Variants in FNDC3B observed in about 807,000 individuals in gnomAD.
FNDC3B encodes fibronectin type III domain-containing protein 3B.
FNDC3B carries 12 observed loss-of-function variants against 151.5 expected under a neutral mutation model. The ratio of observed to expected loss-of-function variants is 0.08; its 90% CI spans 0.05 to 0.13. FNDC3B has a LOEUF of 0.13. Among genes scored for constraint, FNDC3B ranks in the 10% least tolerant of loss-of-function variants. The probability of loss-of-function intolerance (pLI) is 1.00; values close to 1 mark genes in which losing one functional copy is unlikely to be tolerated. For synonymous variants in FNDC3B, 528 were observed against 549.0 expected (o/e 0.96, Z 0.54); for missense variants, 1,214 against 1,505.3 (o/e 0.81, Z 3.20).
In FNDC3B at chr3:172,115,636, T is replaced by C. The variant is rs970756773; in HGVS notation, c.111+3046T>C. On this transcript the variant is annotated intron_variant, in intron 2 of 25. Transcript: ENST00000415807. ...CCTTTTCATCTTAATAAGAACCTTTTGCAGGCACAGGATTGACTCTAGGGG... is the reference window on the plus strand; with the variant it reads ...CCTTTTCATCTTAATAAGAACCTTTCGCAGGCACAGGATTGACTCTAGGGG... Among the ~76,000 whole-genome samples, 11 of 152,320 alleles carry C rather than the reference T, an allele frequency of 7.2e-5. No homozygotes were observed. The East Asian group carries it at 2.1e-3, about 29-fold the overall frequency.
At chr3:172,179,652 T>A (rs1339026983) in intron 3 of FNDC3B, among the ~76,000 whole-genome samples, 3 of 150,576 alleles carry the variant, frequency 2.0e-5, no homozygotes, top group African/African-American at 7.4e-5. Context: ...TAAGTTAAGG[T>A]GGGAGGACCA....
At chr3:172,041,464 C>T (rs1234721776) in intron 1 of FNDC3B, among the ~76,000 whole-genome samples, 4 of 143,554 alleles carry the variant, frequency 2.8e-5, no homozygotes, top group African/African-American at 1.1e-4. Context: ...TCTTCTCCTC[C>T]TCCTCCTTCT....
At chr3:172,381,535 T>G (rs1047174354) in intron 25 of FNDC3B, among the ~76,000 whole-genome samples, 2 of 152,050 alleles carry the variant, frequency 1.3e-5, no homozygotes, top group African/African-American at 4.8e-5. Flanking sequence ...GTTTGTTACA[T>G]AGGTATACAT....
intron 25 of FNDC3B, among the ~76,000 whole-genome samples, chr3:172,393,415 A>G (rs1200649070): frequency 3.9e-5 from 6 of 152,330 alleles, no homozygotes; most frequent in Admixed American, 1.3e-4. Flanking sequence ...TTGCAATACA[A>G]TAATAGTAGG....
chr3:172,330,101 A>T, intron 12 of FNDC3B: 1 of 153,434 alleles, frequency 6.5e-6, no homozygotes, highest in Non-Finnish European at 1.5e-5. Flanking sequence ...GATTGGTTTC[A>T]GGACTTCCCC....
intron 3 of FNDC3B, among the ~76,000 whole-genome samples, chr3:172,196,598 G>T (rs1333647075): frequency 6.6e-6 from 1 of 152,114 alleles, no homozygotes; most frequent in Non-Finnish European, 1.5e-5. Flanking sequence ...AAATGGAGGT[G>T]GGAATTGGCT....
chr3:172,380,877 T>C (rs1735400852), intron 24 of FNDC3B, 89 bp from the exon 25 acceptor site: 5 of 1,443,120 alleles, frequency 3.5e-6, no homozygotes, highest in Non-Finnish European at 4.8e-6. Context: ...AATCTTGCTC[T>C]CTCTGGGTTC....
intron 14 of FNDC3B, among the ~76,000 whole-genome samples, chr3:172,333,954 A>G (rs1438605156): frequency 6.6e-6 from 1 of 151,662 alleles, no homozygotes; most frequent in Non-Finnish European, 1.5e-5. Flanking sequence ...CTATAGGACT[A>G]TGTGTAGTAG....
chr3:172,300,191 A>G (rs1730835999), intron 9 of FNDC3B, among the ~76,000 whole-genome samples: 1 of 152,260 alleles, frequency 6.6e-6, no homozygotes, highest in Non-Finnish European at 1.5e-5. Flanking sequence ...GATAATAGAA[A>G]TGGTTTAACC....
intron 3 of FNDC3B, among the ~76,000 whole-genome samples, chr3:172,142,765 G>C (rs1003667817): frequency 1.3e-5 from 2 of 152,178 alleles, no homozygotes; most frequent in Non-Finnish European, 2.9e-5. Context: ...GTCTTAGTCT[G>C]TCTGGGCTGC....
At chr3:172,205,640 T>C (rs1481823228) in intron 3 of FNDC3B, among the ~76,000 whole-genome samples, 1 of 152,200 alleles carries the variant, frequency 6.6e-6, no homozygotes, top group Non-Finnish European at 1.5e-5. Flanking sequence ...GCATTCTCCT[T>C]GTAGAGTTTT....
At chr3:172,155,849 T>C (rs969063409) in intron 3 of FNDC3B, among the ~76,000 whole-genome samples, 2 of 152,226 alleles carry the variant, frequency 1.3e-5, no homozygotes, top group African/African-American at 4.8e-5. Context: ...TATGGTATTT[T>C]GTTGTTACTG....
intron 22 of FNDC3B, among the ~76,000 whole-genome samples, chr3:172,358,953 CTTG>C (rs1223439824): frequency 4.3e-5 from 4 of 92,882 alleles, no homozygotes; most frequent in Admixed American, 1.7e-4. Flanking sequence ...CCACAGTTTT[CTTG>C]GTGGTGGTGG....
chr3:172,105,199 G>A (rs912861672), intron 1 of FNDC3B, among the ~76,000 whole-genome samples: 21 of 152,080 alleles, frequency 1.4e-4, no homozygotes, highest in Admixed American at 1.0e-3. Flanking sequence ...AAGGCCACCC[G>A]GGGTGTATGG....
At chr3:172,320,823 C>T (rs1457520434) in intron 11 of FNDC3B, among the ~76,000 whole-genome samples, 1 of 152,016 alleles carries the variant, frequency 6.6e-6, no homozygotes, top group African/African-American at 2.4e-5. Context: ...GGAAACCAGC[C>T]CATTTAGAGG....
chr3:172,310,956 T>TAAAAGAATAAGA, intron 11 of FNDC3B, 75 bp downstream of exon 11: 1 of 1,044,480 alleles, frequency 9.6e-7, no homozygotes, highest in Non-Finnish European at 1.5e-6. Context: ...TGCCATCTTA[T>TAAAAGAATAAGA]TCTTTTATAA....
At position 172,329,187 on chromosome 3, in the gene FNDC3B, C is replaced by G. The variant is rs1050074905; in HGVS notation, c.1379+111C>G. On this transcript the variant is annotated intron_variant, in intron 12 of 25. Coordinates refer to ENST00000415807, the MANE Select transcript of FNDC3B (RefSeq NM_022763.4). ...GCCTGCTGCCTCCACACTAAATCAA[C>G]TGGAGGTTTTCCAAGAGGGAATCCT... 10 of 1,281,476 alleles carry G rather than the reference C, an allele frequency of 7.8e-6. No homozygotes were observed. The Admixed American group carries it at 1.2e-4, about 15-fold the overall frequency. 79.4% of individuals were successfully genotyped at this position (1,281,476 alleles called of 1,614,324 possible). A position where few individuals can be genotyped will look rare whatever the true frequency, so the allele number is the denominator to read the frequency against.
chr3:172,081,894 T>G (rs1718297565), intron 1 of FNDC3B, among the ~76,000 whole-genome samples: 2 of 152,234 alleles, frequency 1.3e-5, no homozygotes, highest in Admixed American at 6.5e-5. Flanking sequence ...TTATTTCTTT[T>G]AAGGAAAATA....
chr3:172,090,663 T>G (rs1409497796), intron 1 of FNDC3B, among the ~76,000 whole-genome samples: 2 of 152,108 alleles, frequency 1.3e-5, no homozygotes, highest in Non-Finnish European at 2.9e-5. Flanking sequence ...AAATTATTCT[T>G]TACCTTGTGT....
Sources: gnomAD v4.1 joint callset for allele counts (sites outside exome capture counted in the v4.1 genomes callset) on GRCh38, gnomAD v4.1.1 for gene constraint, MANE v1.5 for transcripts, NCBI Gene and HGNC (gene_info 2026-07-23, HGNC 2026-07-21) for gene names.